Variants in CCR5AS observed in about 807,000 individuals in gnomAD.
CCR5AS encodes the protein CCR5 antisense RNA.
At chr3:46,376,799 G>A (rs773310843) in intron 2 of CCR5AS, among the ~76,000 whole-genome samples, 16 of 152,194 alleles carry the variant, frequency 1.1e-4, no homozygotes, top group Admixed American at 2.0e-4. Flanking sequence ...TCTGGGTCAC[G>A]TTCACATTTT....
rs937023796 is a variant in CCR5AS, at chr3:46,394,990, A to G, written n.164-1938T>C. Among the ~76,000 whole-genome samples the G allele has an allele frequency of 2.6e-5, 4 of 152,106 alleles. No individual in the cohort carries two copies. In the East Asian group the frequency reaches 5.8e-4, roughly 22 times the overall value. ...TTGCCCCTGGCGATGTGGAGACTGT[A>G]TTGGAAGAAGGCAAGAATGGAGGAG... On this transcript the variant is annotated intron_variant and non_coding_transcript_variant, in intron 1 of 3. Transcript: ENST00000451485.
chr3:46,390,078 G>A (rs1442269078), intron 2 of CCR5AS, among the ~76,000 whole-genome samples: 1 of 152,154 alleles, frequency 6.6e-6, no homozygotes, highest in Non-Finnish European at 1.5e-5. Flanking sequence ...GTAGATGGGT[G>A]AAAAGAAAGC....
intron 2 of CCR5AS, chr3:46,374,040 G>A: frequency 9.2e-7 from 1 of 1,081,220 alleles, no homozygotes; most frequent in African/African-American, 1.6e-5. Context: ...GGCTGGGGGT[G>A]GGGTGGGAGA....
intron 1 of CCR5AS, among the ~76,000 whole-genome samples, chr3:46,395,339 G>A (rs1054367877): frequency 1.3e-5 from 2 of 152,056 alleles, no homozygotes; most frequent in East Asian, 1.9e-4. Context: ...AGTAGAGATC[G>A]ACATCTGGGG....
In CCR5AS at chr3:46,373,795, C is replaced by A. The variant is rs559194526; in HGVS notation, n.392-2378G>T. ...TGCTGCATCAACCCCATCATCTATG[C>A]CTTTGTCGGGGAGAAGTTCAGAAAC... On this transcript the variant is annotated intron_variant and non_coding_transcript_variant, in intron 2 of 3. Coordinates refer to ENST00000451485, the Ensembl canonical transcript of CCR5AS. 6.8e-6 allele frequency: 11 copies of A among 1,613,002 alleles called. No homozygotes were observed. The highest frequency in any genetic ancestry group is 1.1e-5 in the South Asian group (1 of 91,056).
At chr3:46,373,430 C>T (rs1207736190) in intron 2 of CCR5AS, 2 of 1,612,574 alleles carry the variant, frequency 1.2e-6, no homozygotes, top group East Asian at 2.2e-5. Flanking sequence ...GTCTTCATTA[C>T]ACCTGCAGCT....
At chr3:46,395,553 T>TG (rs1701952936) in intron 1 of CCR5AS, among the ~76,000 whole-genome samples, 1 of 151,782 alleles carries the variant, frequency 6.6e-6, no homozygotes, top group Non-Finnish European at 1.5e-5. Flanking sequence ...TAGAGTAAGG[T>TG]AAGAGTGGAA....
At chr3:46,392,579 A>AT (rs1344823080) in intron 2 of CCR5AS, among the ~76,000 whole-genome samples, 2 of 152,164 alleles carry the variant, frequency 1.3e-5, no homozygotes, top group Non-Finnish European at 2.9e-5. Context: ...CAAGGCAGGC[A>AT]TCCCCCCGGT....
At chr3:46,384,866 TAGATA>T (rs1701844915) in intron 2 of CCR5AS, among the ~76,000 whole-genome samples, 1 of 25,852 alleles carries the variant, frequency 3.9e-5, no homozygotes, top group Non-Finnish European at 7.3e-5. Context: ...GATAGATAGA[TAGATA>T]GATAGATAGA....
Position 46,401,991 on chromosome 3 carries a change from A to C in CCR5AS, n.163+4906T>G, listed in dbSNP as rs572038902. ...CTCATGAAGGATCATAATGCCTATT[A>C]GTATATGAAGGGCTCTGAGAAGTCC... On this transcript the variant is annotated intron_variant and non_coding_transcript_variant, in intron 1 of 3. Coordinates refer to ENST00000451485, the Ensembl canonical transcript of CCR5AS. Among the ~76,000 whole-genome samples, 406 of 152,266 alleles carry C rather than the reference A, an allele frequency of 2.7e-3. 2 individuals carry two copies. The highest frequency in any genetic ancestry group is 5.2e-3 in the Non-Finnish European group (355 of 68,022).
intron 2 of CCR5AS, chr3:46,375,266 G>A (rs1701737330): frequency 6.0e-6 from 1 of 166,974 alleles, no homozygotes; most frequent in Admixed American, 6.5e-5. Flanking sequence ...AATACACGAG[G>A]TATGAGGTCT....
chr3:46,379,351 A>G (rs1385021587), intron 2 of CCR5AS, among the ~76,000 whole-genome samples: 2 of 152,186 alleles, frequency 1.3e-5, no homozygotes, highest in South Asian at 2.1e-4. Context: ...GGACATGAAC[A>G]TAGCAAAGAC....
At chr3:46,386,965 T>C (rs576766633) in intron 2 of CCR5AS, among the ~76,000 whole-genome samples, 9 of 152,276 alleles carry the variant, frequency 5.9e-5, no homozygotes, top group African/African-American at 2.2e-4. Flanking sequence ...GATGGGAATA[T>C]GGAGATTTAA....
At chr3:46,364,875 T>A (rs1701585303) in exon 4 of CCR5AS, 1 of 152,226 alleles carries the variant, frequency 6.6e-6, no homozygotes. Context: ...GTGGAGGAAG[T>A]CGCTGTAGAT....
chr3:46,387,967 T>A (rs1023518604), intron 2 of CCR5AS, among the ~76,000 whole-genome samples: 3 of 151,832 alleles, frequency 2.0e-5, no homozygotes, highest in Non-Finnish European at 2.9e-5. Flanking sequence ...TCAGTTAGGG[T>A]GGGGCAGGAA....
At chr3:46,372,310 C>T (rs1261138193) in intron 2 of CCR5AS, among the ~76,000 whole-genome samples, 14 of 152,070 alleles carry the variant, frequency 9.2e-5, no homozygotes, top group Admixed American at 3.3e-4. Flanking sequence ...GCAGGAGGAT[C>T]GCTTGAGCCC....
intron 2 of CCR5AS, among the ~76,000 whole-genome samples, chr3:46,384,361 T>C (rs1701840256): frequency 6.6e-6 from 1 of 152,208 alleles, no homozygotes; most frequent in Admixed American, 6.5e-5. Context: ...AAAGGGAAGA[T>C]GAAGAATCCA....
intron 2 of CCR5AS, among the ~76,000 whole-genome samples, chr3:46,377,310 G>C (rs1476731446): frequency 6.6e-6 from 1 of 152,186 alleles, no homozygotes; most frequent in Non-Finnish European, 1.5e-5. Flanking sequence ...ACGACCTTCA[G>C]GATCTGACTT....
chr3:46,375,123 C>G (rs1316480918), intron 2 of CCR5AS: 1 of 166,986 alleles, frequency 6.0e-6, no homozygotes, highest in Non-Finnish European at 1.5e-5. Flanking sequence ...AAGGATGGGT[C>G]TGGTTTGCAG....
Sources: allele counts gnomAD v4.1 joint callset (sites outside exome capture counted in the v4.1 genomes callset), GRCh38; gene constraint gnomAD v4.1.1; transcripts MANE v1.5; gene names NCBI Gene and HGNC (gene_info 2026-07-23, HGNC 2026-07-21).